Variants in INTS1 observed in about 807,000 individuals in gnomAD.
INTS1 encodes integrator complex subunit 1.
INTS1 carries 137 observed loss-of-function variants against 241.6 expected under a neutral mutation model. The observed-to-expected ratio is 0.57, with a 90% CI of 0.49 to 0.65. INTS1 has a LOEUF of 0.65. Among genes scored for constraint, INTS1 ranks in the 30% least tolerant of loss-of-function variants. The pLI, the probability that INTS1 is intolerant of heterozygous loss-of-function variation, is 0.00. For missense variants in INTS1, 3,073 were observed against 3,032.2 expected, an observed-to-expected ratio of 1.01 and a Z score of -0.32; for synonymous variants, 1,692 against 1,337.8, an observed-to-expected ratio of 1.26 and a Z score of -5.78.
At position 1,494,566 on chromosome 7, in the gene INTS1, G is replaced by A. The variant is rs551330024; in HGVS notation, c.1910+250C>T. The A allele has an allele frequency of 2.8e-5, 16 of 573,152 alleles. No individual in the cohort carries two copies. The East Asian group carries it at 3.8e-4, about 14-fold the overall frequency. The allele number at this position is 573,152 out of a possible 1,614,324, so 35.5% of individuals were successfully genotyped here. On this transcript the variant is annotated intron_variant, in intron 14 of 47. Coordinates refer to ENST00000404767, the MANE Select transcript of INTS1 (RefSeq NM_001080453.3). ...GAAGCAACTGGAAGGCGGGGGTCCG[G>A]GGGAGGCTGCGGCTGGGGCTTGGAG...
intron 7 of INTS1, 30 bp from the exon 8 acceptor site, chr7:1,499,191 G>A (rs768221406): frequency 8.1e-6 from 13 of 1,605,432 alleles, no homozygotes; most frequent in Non-Finnish European, 1.1e-5. Flanking sequence ...GAGGAGGGAG[G>A]AAGGTGGCCC....
chr7:1,501,706 G>A (rs933707551), intron 3 of INTS1, among the ~76,000 whole-genome samples: 1 of 152,178 alleles, frequency 6.6e-6, no homozygotes, highest in South Asian at 2.1e-4. Flanking sequence ...CAGCTGCCCA[G>A]GGACACGCCT....
chr7:1,474,859 A>T, intron 39 of INTS1, 21 bp from the exon 40 acceptor site: 1 of 1,567,366 alleles, frequency 6.4e-7, no homozygotes, highest in Non-Finnish European at 8.6e-7. Context: ...GGGCGCTCTG[A>T]GGCCGGGGCC....
chr7:1,479,734 G>C (rs1416943559), intron 30 of INTS1, 50 bp from the exon 31 acceptor site: 4 of 1,433,332 alleles, frequency 2.8e-6, no homozygotes, highest in African/African-American at 1.4e-5. Flanking sequence ...GAAGGAGGAG[G>C]AGCGCAGCGG....
In INTS1 at chr7:1,495,471, G is replaced by C; in HGVS notation, c.1794C>G (p.Pro598=). 6.2e-7 allele frequency: 1 copy of C among 1,612,650 alleles called. No homozygotes were observed. The change falls in exon 13 of 48, where the codon CCC becomes CCG. Residue 598 remains proline, a synonymous_variant. Coordinates refer to ENST00000404767, the MANE Select transcript of INTS1 (RefSeq NM_001080453.3). ...CCTTAGGGGCGAGCTTGCTGATGGA[G>C]GGGACCACAGTGTGGAGCCACCAGA... ...DAVWWLHTVV[P]SISKLAPKDY...
intron 42 of INTS1, 57 bp from the exon 43 acceptor site, chr7:1,473,241 G>A (rs1781556495): frequency 7.7e-7 from 1 of 1,292,158 alleles, no homozygotes; most frequent in African/African-American, 1.5e-5. Flanking sequence ...GGAAGGCTGG[G>A]TCAGGGGTCA....
intron 33 of INTS1, among the ~76,000 whole-genome samples, 158 bp downstream of exon 33, chr7:1,478,208 C>G (rs899763373): frequency 4.1e-4 from 62 of 152,182 alleles, no homozygotes; most frequent in African/African-American, 1.4e-3. Context: ...TCTCAAGAGG[C>G]CCCGCCCTGA....
Position 1,484,002 on chromosome 7 carries a change from C to G in INTS1, c.3429+1G>C. The G allele has an allele frequency of 6.2e-7, 1 of 1,605,832 alleles. No individual in the cohort carries two copies. Among genetic ancestry groups the G allele is most frequent in the African/African-American group, 1.3e-5 (1 of 74,968 alleles). On this transcript the variant is annotated splice_donor_variant, in intron 25 of 47. Transcript: ENST00000404767. LOFTEE classifies it high-confidence loss of function. ...CCGGCCGTAGACCTCCTCGCCCTCA[C>G]CCAGCTGTAGACCTCCTCGCCCTCC...
rs760593354 is a variant in INTS1 at position 1,486,626 on chromosome 7, T to C, written c.2975A>G (p.Lys992Arg). The C allele has an allele frequency of 1.2e-5, 19 of 1,611,252 alleles. No individual in the cohort carries two copies. The highest frequency in any genetic ancestry group is 5.0e-5 in the Admixed American group (3 of 59,812). The stretch of plus-strand genomic sequence containing the variant: ...AGAAAGACCCGCCCACCACCTCACC[T>C]TCATGGCCAGCACGCGGGAGGCCAC... ...SQVASRVLAM[K>R]GLSLVLSEGS... The change falls in exon 22 of 48, where the codon AAG becomes AGG. Residue 992 changes from lysine (K) to arginine (R), a missense_variant and splice_region_variant. Transcript: ENST00000404767.
At position 1,486,733 on chromosome 7, in the gene INTS1, G is replaced by A. The variant is rs1367673450; in HGVS notation, c.2868C>T (p.Asp956=). 6.2e-7 allele frequency: 1 copy of A among 1,612,592 alleles called. No homozygotes were observed. The highest frequency in any genetic ancestry group is 8.5e-7 in the Non-Finnish European group (1 of 1,179,788). Residue 956 remains aspartate, a synonymous_variant, in exon 22 of 48, where the codon GAC becomes GAT. Transcript: ENST00000404767. ...KQRQLLGRLQ[D]LLLGPKADEQ... is the part of the protein sequence containing the mutation. ...CATCAGCCTTCGGGCCCAGTAGCAG[G>A]TCCTGCAGGCGGCCCAGCAGCTGCC...
intron 13 of INTS1, 58 bp downstream of exon 13, chr7:1,495,375 C>G: frequency 6.4e-7 from 1 of 1,558,102 alleles, no homozygotes; most frequent in Non-Finnish European, 8.7e-7. Flanking sequence ...TGCGGGGCCC[C>G]GGCTTGTCCC....
chr7:1,497,453 C>T lies in INTS1; in HGVS notation c.1426-139G>A. On this transcript the variant is annotated intron_variant, in intron 10 of 47. Transcript: ENST00000404767. The surrounding 1 kb of genome is among the most constrained non-coding windows in gnomAD (Gnocchi z 5.3). ...ACAGTGTGGGGTGCGGGGTGGCGGG[C>T]TCCTTGCTCTACTGGCTGCCAGCCC... 1 of 813,288 alleles carries T rather than the reference C, an allele frequency of 1.2e-6. No homozygotes were observed. Among genetic ancestry groups the T allele is most frequent in the Non-Finnish European group, 1.8e-6 (1 of 541,068 alleles). The allele number at this position is 813,288 out of a possible 1,614,324, so 50.4% of individuals were successfully genotyped here.
chr7:1,487,381 AG>A lies in INTS1; in HGVS notation c.2584del (p.Leu862SerfsTer130), dbSNP rs1330834589. Reference sequence around the variant, plus strand: ...TCGGCTGCGGCACAAGAGGTGCCCGAGGCGGAGGGACTGGTTGAGGCTTTTC... The same window carrying A: ...TCGGCTGCGGCACAAGAGGTGCCCGAGCGGAGGGACTGGTTGAGGCTTTTC... Reference protein sequence around the residue: ...QVKSLNQSLRLGHLLCRSRNP... With the variant: ...QVKSLNQSLRXGHLLCRSRNP... On this transcript the variant is annotated frameshift_variant, in exon 20 of 48. Coordinates refer to ENST00000404767, the MANE Select transcript of INTS1 (RefSeq NM_001080453.3). LOFTEE classifies it high-confidence loss of function. The A allele has an allele frequency of 6.2e-7, 1 of 1,611,480 alleles. No homozygotes were observed. The highest frequency in any genetic ancestry group is 8.5e-7 in the Non-Finnish European group (1 of 1,179,238).
At chr7:1,488,306 A>AG (rs911408412) in intron 18 of INTS1, among the ~76,000 whole-genome samples, 2 of 152,172 alleles carry the variant, frequency 1.3e-5, no homozygotes, top group African/African-American at 4.8e-5. Flanking sequence ...ACAGCCATGT[A>AG]GGCTCTGCCC....
chr7:1,474,324 G>A lies in INTS1; in HGVS notation c.5673C>T (p.Arg1891=), dbSNP rs774827719. 4 of 1,606,670 alleles carry A rather than the reference G, an allele frequency of 2.5e-6. No homozygotes were observed. The highest frequency in any genetic ancestry group is 2.2e-5 in the South Asian group (2 of 90,898). ...GGAACTCCTGGAAGTTGAGGTGGGT[G>A]CGGCCGTGCAGGAGCGCCGCGATCA... is the stretch of plus-strand genomic sequence containing the variant. ...LPMIAALLHG[R]THLNFQEFRQ... Residue 1891 remains arginine, a synonymous_variant, in exon 41 of 48, where the codon CGC becomes CGT. Transcript: ENST00000404767.
chr7:1,472,822 G>T (rs1410309769), intron 43 of INTS1, among the ~76,000 whole-genome samples: 3 of 151,280 alleles, frequency 2.0e-5, no homozygotes, highest in Non-Finnish European at 4.4e-5. Context: ...GCCAGGGACG[G>T]GGGGGTGGGG....
chr7:1,479,377 G>A, intron 31 of INTS1, 53 bp downstream of exon 31: 1 of 1,528,398 alleles, frequency 6.5e-7, no homozygotes, highest in Non-Finnish European at 8.8e-7. Flanking sequence ...CGTCCTGCGG[G>A]AGGCAGAGCC....
intron 8 of INTS1, 28 bp downstream of exon 8, chr7:1,498,947 C>CAGG: frequency 3.0e-6 from 4 of 1,339,398 alleles, no homozygotes; most frequent in Non-Finnish European, 4.1e-6. Flanking sequence ...CCCCCTGCCC[C>CAGG]GCCCACCCCC....
chr7:1,504,023 G>A (rs1219470906), intron 1 of INTS1, 22 bp from the exon 2 acceptor site: 3 of 1,266,598 alleles, frequency 2.4e-6, no homozygotes, highest in Non-Finnish European at 3.3e-6. Context: ...CCAGCGTGCG[G>A]TCATTCCTTC....
Sources: gnomAD v4.1 joint callset for allele counts (sites outside exome capture counted in the v4.1 genomes callset) on GRCh38, gnomAD v4.1.1 for gene constraint, Gnocchi (gnomAD v3.1) non-coding constraint, MANE v1.5 for transcripts, NCBI Gene and HGNC (gene_info 2026-07-23, HGNC 2026-07-21) for gene names.